EFEMP1: variants seen among roughly 807,000 people sequenced by gnomAD.
EFEMP1 encodes EGF-like fibulin extracellular matrix protein 1.
In EFEMP1, 18 loss-of-function variants were observed where a neutral mutation model predicts 65.7. The ratio of observed to expected loss-of-function variants is 0.27; its 90% CI spans 0.19 to 0.41. EFEMP1 has a LOEUF of 0.41. Ranked by LOEUF, EFEMP1 falls within the 10% of genes least tolerant of loss-of-function variation. EFEMP1 has a pLI of 1.00. For synonymous variants in EFEMP1, 237 were observed against 219.7 expected, an observed-to-expected ratio of 1.08 and a Z score of -0.70; for missense variants, 469 against 624.8, an observed-to-expected ratio of 0.75 and a Z score of 2.66.
Position 55,870,970 on chromosome 2 carries a change from C to G in EFEMP1, c.1124+30G>C, listed in dbSNP as rs1442092331. 1.9e-6 allele frequency: 3 copies of G among 1,613,544 alleles called. No homozygotes were observed. The African/African-American group carries it at 4.0e-5, about 22-fold the overall frequency. Reference sequence around the variant, plus strand: ...TTTGGCTTGGTAAGACCAGAAAATCCTCACTTTCAAAAGTTCTGATTTTTC... The same window carrying G: ...TTTGGCTTGGTAAGACCAGAAAATCGTCACTTTCAAAAGTTCTGATTTTTC... On this transcript the variant is annotated intron_variant, in intron 10 of 11. Transcript: ENST00000355426. The surrounding 1 kb of genome is among the most constrained non-coding windows in gnomAD (Gnocchi z 5.8).
In EFEMP1 at chr2:55,877,660, A is replaced by G; in HGVS notation, c.760+86T>C. 1 of 1,590,848 alleles carries G rather than the reference A, an allele frequency of 6.3e-7. No homozygotes were observed. On this transcript the variant is annotated intron_variant, in intron 7 of 11. Coordinates refer to ENST00000355426, the MANE Select transcript of EFEMP1 (RefSeq NM_001039348.3). This position sits in a 1 kb window ranked among gnomAD's most constrained non-coding sequence, Gnocchi z 4.5. ...GAAGTCGATGGAAACTATTTACTCA[A>G]GAACATAGAAAACTGGAAATACTGC...
rs1214733841 is a variant in EFEMP1, at chr2:55,877,912, G to A, written c.641-47C>T. On this transcript the variant is annotated intron_variant, in intron 6 of 11. Transcript: ENST00000355426. The surrounding 1 kb of genome is among the most constrained non-coding windows in gnomAD (Gnocchi z 4.5). ...CAAAGAGAACCAAATTATTGAATTA[G>A]CATTCTCTGAAAAGCATTATCTAGA... is the stretch of plus-strand genomic sequence containing the variant. The A allele has an allele frequency of 5.0e-6, 8 of 1,607,428 alleles. No homozygotes were observed. The East Asian group carries it at 9.0e-5, about 18-fold the overall frequency.
chr2:55,866,985 A>G lies in EFEMP1; in HGVS notation c.*88T>C. The G allele has an allele frequency of 6.6e-7, 1 of 1,519,094 alleles. No individual in the cohort carries two copies. The highest frequency in any genetic ancestry group is 1.1e-5 in the South Asian group (1 of 88,274). 94.1% of individuals were successfully genotyped at this position (1,519,094 alleles called of 1,614,324 possible). On this transcript the variant is annotated 3_prime_UTR_variant, in exon 12 of 12. Transcript: ENST00000355426. ...GTGTACAGTATAGAGATGTAGATGC[A>G]CTAGATATATCTATAAATAAAATAG...
chr2:55,918,951 A>G (rs913437662), intron 3 of EFEMP1, among the ~76,000 whole-genome samples: 3 of 152,172 alleles, frequency 2.0e-5, no homozygotes, highest in Non-Finnish European at 2.9e-5. Flanking sequence ...GGAGACAGAT[A>G]GGTAGACAAG....
chr2:55,904,966 CTTTTTTTTTTTTCTTTTTCT>C (rs1442361878), intron 5 of EFEMP1, among the ~76,000 whole-genome samples: 8 of 70,560 alleles, frequency 1.1e-4, no homozygotes, highest in African/African-American at 5.9e-4. Context: ...GGGATAGTGG[CTTTTTTTTTTTTCTTTTTCT>C]TTTTTTTTTT....
At chr2:55,903,585 T>C (rs1670124210) in intron 5 of EFEMP1, among the ~76,000 whole-genome samples, 1 of 152,150 alleles carries the variant, frequency 6.6e-6, no homozygotes, top group Non-Finnish European at 1.5e-5. Context: ...GATATGTTCA[T>C]TAATATTTGA....
intron 5 of EFEMP1, among the ~76,000 whole-genome samples, chr2:55,906,277 T>G (rs911631474): frequency 6.7e-6 from 1 of 148,228 alleles, no homozygotes; most frequent in African/African-American, 2.5e-5. Context: ...CAGACTAGAG[T>G]GCAGTGTGTG....
At chr2:55,896,600 T>C (rs1669838949) in intron 5 of EFEMP1, among the ~76,000 whole-genome samples, 1 of 152,262 alleles carries the variant, frequency 6.6e-6, no homozygotes, top group Non-Finnish European at 1.5e-5. Flanking sequence ...GAAATCTATA[T>C]TTAATTTGCC....
chr2:55,908,544 A>C (rs1670368068), intron 5 of EFEMP1, among the ~76,000 whole-genome samples: 1 of 152,138 alleles, frequency 6.6e-6, no homozygotes, highest in Admixed American at 6.6e-5. Flanking sequence ...GTTAATAATA[A>C]TATGGTGTAT....
rs1468037398 is a variant in EFEMP1, at chr2:55,917,557, A to G, written c.517+108T>C. The G allele has an allele frequency of 2.2e-6, 3 of 1,382,754 alleles. No individual in the cohort carries two copies. The highest frequency in any genetic ancestry group is 3.1e-6 in the Non-Finnish European group (3 of 970,422). The allele number at this position is 1,382,754 out of a possible 1,614,324, so 85.7% of individuals were successfully genotyped here. A position where few individuals can be genotyped will look rare whatever the true frequency, so the allele number is the denominator to read the frequency against. On this transcript the variant is annotated intron_variant, in intron 5 of 11. Coordinates refer to ENST00000355426, the MANE Select transcript of EFEMP1 (RefSeq NM_001039348.3). This position sits in a 1 kb window ranked among gnomAD's most constrained non-coding sequence, Gnocchi z 6.3. ...TAAATATAATGCAGACAAAGCACTT[A>G]GCATGATGTCTGGCACGCGAGAAGT...
intron 5 of EFEMP1, among the ~76,000 whole-genome samples, chr2:55,887,781 C>T (rs781562019): frequency 4.5e-4 from 68 of 152,180 alleles, no homozygotes; most frequent in Non-Finnish European, 6.9e-4. Context: ...TTATCAGCCT[C>T]CCTGATAGTT....
intron 5 of EFEMP1, among the ~76,000 whole-genome samples, chr2:55,913,684 G>A (rs1449928588): frequency 2.0e-5 from 3 of 151,520 alleles, no homozygotes; most frequent in African/African-American, 7.3e-5. Flanking sequence ...TTCATCTAGT[G>A]ATTTCTAACT....
rs911792904 is a variant in EFEMP1, at chr2:55,917,575, C to T, written c.517+90G>A. On this transcript the variant is annotated intron_variant, in intron 5 of 11. Coordinates refer to ENST00000355426, the MANE Select transcript of EFEMP1 (RefSeq NM_001039348.3). The surrounding 1 kb of genome is among the most constrained non-coding windows in gnomAD (Gnocchi z 6.3). ...AGCACTTAGCATGATGTCTGGCACG[C>T]GAGAAGTCCTTAATAAATTATCATC... is the stretch of plus-strand genomic sequence containing the variant. 2.3e-5 allele frequency: 35 copies of T among 1,541,032 alleles called. No individual in the cohort carries two copies. Among genetic ancestry groups the T allele is most frequent in the South Asian group, 3.4e-5 (3 of 88,766 alleles).
At position 55,866,864 on chromosome 2, in the gene EFEMP1, T is replaced by C; in HGVS notation, c.*209A>G. On this transcript the variant is annotated 3_prime_UTR_variant, in exon 12 of 12. Coordinates refer to ENST00000355426, the MANE Select transcript of EFEMP1 (RefSeq NM_001039348.3). Reference sequence around the variant, plus strand: ...GAAGAAGACCAGTTTAGTGGATTAATGTCTAATTTACATATAGTAATAAAG... The same window carrying C: ...GAAGAAGACCAGTTTAGTGGATTAACGTCTAATTTACATATAGTAATAAAG... 1 of 586,562 alleles carries C rather than the reference T, an allele frequency of 1.7e-6. No homozygotes were observed. Among genetic ancestry groups the C allele is most frequent in the East Asian group, 3.1e-5 (1 of 32,178 alleles). 36.3% of individuals were successfully genotyped at this position (586,562 alleles called of 1,614,324 possible).
rs1261669423 is a variant in EFEMP1, at chr2:55,921,136, T to A, written c.81+1224A>T. On this transcript the variant is annotated intron_variant, in intron 3 of 11. Transcript: ENST00000355426. The surrounding 1 kb of genome is among the most constrained non-coding windows in gnomAD (Gnocchi z 4.1). ...TAAAAGTGGGTAGTGAATTTAATTT[T>A]AGCTCCCTGAGAAGGCAGTAAGTTT... Among the ~76,000 whole-genome samples, 1 of 152,264 alleles carries A rather than the reference T, an allele frequency of 6.6e-6. No individual in the cohort carries two copies. The highest frequency in any genetic ancestry group is 1.5e-5 in the Non-Finnish European group (1 of 68,042).
Position 55,917,301 on chromosome 2 carries a change from G to A in EFEMP1, c.517+364C>T, listed in dbSNP as rs1415692454. Among the ~76,000 whole-genome samples the A allele has an allele frequency of 2.0e-5, 3 of 152,172 alleles. No homozygotes were observed. The highest frequency in any genetic ancestry group is 2.1e-4 in the South Asian group (1 of 4,800). On this transcript the variant is annotated intron_variant, in intron 5 of 11. Transcript: ENST00000355426. This position sits in a 1 kb window ranked among gnomAD's most constrained non-coding sequence, Gnocchi z 6.3. ...TGACCTCTGGTTCTCAAACTTGGCCGCACATGAGGAACTGAAAAAAAAGCC... is the reference window on the plus strand; with the variant it reads ...TGACCTCTGGTTCTCAAACTTGGCCACACATGAGGAACTGAAAAAAAAGCC...
In EFEMP1 at chr2:55,887,857, C is replaced by T. The variant is rs531045206; in HGVS notation, c.518-6123G>A. Among the ~76,000 whole-genome samples the T allele has an allele frequency of 4.6e-5, 7 of 152,268 alleles. No homozygotes were observed. In the South Asian group the frequency reaches 1.2e-3, roughly 27 times the overall value. ...GAAGCCCTTGGCATTGCATTGTGTT[C>T]TATCAGAACTTTACAATATGCTGTT... is the stretch of plus-strand genomic sequence containing the variant. On this transcript the variant is annotated intron_variant, in intron 5 of 11. Transcript: ENST00000355426.
Position 55,870,184 on chromosome 2 carries a change from T to G in EFEMP1, c.1320+536A>C, listed in dbSNP as rs888478402. ...GGAGGTGGGGTCACTTCTCACATAC[T>G]TATAGGTTTTAGTTTCGGTGTGAAC... On this transcript the variant is annotated intron_variant, in intron 11 of 11. Transcript: ENST00000355426. This position sits in a 1 kb window ranked among gnomAD's most constrained non-coding sequence, Gnocchi z 5.8. 6.6e-6 allele frequency among the ~76,000 whole-genome samples: 1 copy of G among 152,208 alleles called. No homozygotes were observed. Among genetic ancestry groups the G allele is most frequent in the Middle Eastern group, 3.4e-3 (1 of 294 alleles).
chr2:55,891,559 T>TA (rs1378778686), intron 5 of EFEMP1, among the ~76,000 whole-genome samples: 3 of 152,214 alleles, frequency 2.0e-5, no homozygotes. Flanking sequence ...TGCACATACG[T>TA]ATAGCTTTGT....
Sources: allele counts gnomAD v4.1 joint callset (sites outside exome capture counted in the v4.1 genomes callset), GRCh38; gene constraint gnomAD v4.1.1; non-coding constraint Gnocchi (gnomAD v3.1); transcripts MANE v1.5; gene names NCBI Gene and HGNC (gene_info 2026-07-23, HGNC 2026-07-21).